The following ATP2B2 variants were observed in gnomAD, a reference collection of about 807,000 sequenced individuals.
ATP2B2 encodes plasma membrane calcium-transporting ATPase 2.
In ATP2B2, 15 loss-of-function variants were observed where a neutral mutation model predicts 120.0. That is an observed-to-expected ratio of 0.12 (90% confidence interval 0.08 to 0.19). The LOEUF (loss-of-function observed/expected upper bound fraction) is 0.19, where lower values mean the gene tolerates loss of function less well. Among genes scored for constraint, ATP2B2 ranks in the 10% least tolerant of loss-of-function variants. The probability of loss-of-function intolerance (pLI) is 1.00; values close to 1 mark genes in which losing one functional copy is unlikely to be tolerated. For missense variants in ATP2B2, 1,045 were observed against 1,719.8 expected (o/e 0.61, Z 6.94); for synonymous variants, 694 against 700.3 (o/e 0.99, Z 0.14).
chr3:10,457,779 C>A (rs1308035930), intron 1 of ATP2B2, among the ~76,000 whole-genome samples: 5 of 150,874 alleles, frequency 3.3e-5, no homozygotes, highest in African/African-American at 1.2e-4. Flanking sequence ...TTAGACAACT[C>A]CTATTCTGTT....
chr3:10,683,819 G>C lies in ATP2B2; in HGVS notation c.-460+24096C>G, dbSNP rs1031730383. 3.2e-5 allele frequency among the ~76,000 whole-genome samples: 4 copies of C among 126,672 alleles called. No homozygotes were observed. The Admixed American group carries it at 3.3e-4, about 11-fold the overall frequency. 83.1% of individuals were successfully genotyped at this position (126,672 alleles called of 152,430 possible). A position where few individuals can be genotyped will look rare whatever the true frequency, so the allele number is the denominator to read the frequency against. ...ATATATATATATGTAAAGAGACAGG[G>C]TCTCGCTCTGTTACCTGGGCTGGAG... On this transcript the variant is annotated intron_variant, in intron 1 of 21. Coordinates refer to the ATP2B2 transcript ENST00000646379.
chr3:10,555,006 C>T (rs908055354), intron 2 of ATP2B2, among the ~76,000 whole-genome samples: 2 of 152,164 alleles, frequency 1.3e-5, no homozygotes, highest in Admixed American at 6.5e-5. Context: ...CCCCTCTGAA[C>T]CTTTCTTGGG....
chr3:10,434,590 G>T (rs1031624725), intron 2 of ATP2B2, among the ~76,000 whole-genome samples: 5 of 152,160 alleles, frequency 3.3e-5, no homozygotes, highest in African/African-American at 1.2e-4. Flanking sequence ...TTTTTCAGAT[G>T]AAGAAACTGA....
intron 1 of ATP2B2, among the ~76,000 whole-genome samples, chr3:10,651,039 C>T (rs529166139): frequency 1.3e-5 from 2 of 152,302 alleles, no homozygotes; most frequent in East Asian, 1.9e-4. Context: ...GCTGTAGTTA[C>T]CCAATGCCTG....
At chr3:10,507,606 T>G (rs1204951367), upstream of ATP2B2, among the ~76,000 whole-genome samples, 1 of 152,226 alleles carries the variant, frequency 6.6e-6, no homozygotes, top group African/African-American at 2.4e-5. Context: ...CCATTATTAC[T>G]TCAACATCTT....
chr3:10,645,906 C>A (rs1392973021), intron 1 of ATP2B2, among the ~76,000 whole-genome samples: 1 of 152,196 alleles, frequency 6.6e-6, no homozygotes, highest in African/African-American at 2.4e-5. Context: ...AGACCTGTGG[C>A]ATTGTGGCAT....
At chr3:10,586,608 T>A (rs1246450456) in intron 2 of ATP2B2, among the ~76,000 whole-genome samples, 2 of 152,182 alleles carry the variant, frequency 1.3e-5, no homozygotes, top group Non-Finnish European at 2.9e-5. Flanking sequence ...AGAGAATCTT[T>A]GCTTTTACCC....
intron 1 of ATP2B2, among the ~76,000 whole-genome samples, chr3:10,622,487 T>C (rs187598346): frequency 3.3e-4 from 50 of 152,060 alleles, no homozygotes; most frequent in African/African-American, 1.1e-3. Flanking sequence ...TTGGTGAAAT[T>C]GGAAAAATCC....
chr3:10,388,796 T>C (rs946145432), intron 5 of ATP2B2, among the ~76,000 whole-genome samples: 4 of 152,202 alleles, frequency 2.6e-5, no homozygotes, highest in African/African-American at 9.7e-5. Context: ...AATCACAGAT[T>C]TTTTCATATC....
intron 14 of ATP2B2, among the ~76,000 whole-genome samples, chr3:10,351,850 A>C (rs888270857): frequency 6.6e-6 from 1 of 152,216 alleles, no homozygotes; most frequent in African/African-American, 2.4e-5. Context: ...CCAGCAAGCC[A>C]CTGGAAGCTG....
intron 2 of ATP2B2, among the ~76,000 whole-genome samples, chr3:10,550,807 G>A (rs1483461513): frequency 6.6e-6 from 1 of 152,196 alleles, no homozygotes; most frequent in Non-Finnish European, 1.5e-5. Flanking sequence ...GCCGGGTGAG[G>A]TCATGGTGAA....
intron 22 of ATP2B2, among the ~76,000 whole-genome samples, chr3:10,333,915 T>G (rs567718367): frequency 6.6e-6 from 1 of 152,330 alleles, no homozygotes; most frequent in African/African-American, 2.4e-5. Context: ...AGGGGACTGA[T>G]CTGGCCTCGA....
intron 1 of ATP2B2, among the ~76,000 whole-genome samples, chr3:10,476,780 G>A (rs2065220003): frequency 1.3e-5 from 2 of 152,344 alleles, no homozygotes; most frequent in South Asian, 2.1e-4. Flanking sequence ...TCCTTCATTA[G>A]CCCTGAGGAA....
rs1362597162 is a variant in ATP2B2 at position 10,324,657 on chromosome 3, G to T, written c.*4157C>A. The T allele has an allele frequency of 6.6e-6, 1 of 152,264 alleles. No individual in the cohort carries two copies. The highest frequency in any genetic ancestry group is 1.9e-4 in the East Asian group (1 of 5,194). The allele number at this position is 152,264 out of a possible 1,614,324, so 9.4% of individuals were successfully genotyped here. A position where few individuals can be genotyped will look rare whatever the true frequency, so the allele number is the denominator to read the frequency against. On this transcript the variant is annotated 3_prime_UTR_variant, in exon 23 of 23. Transcript: ENST00000360273. ...CTTGTCAGAATGCACCAGGTTGGCA[G>T]CCTCCTGCAGGTAGCGCAAGAGTGG...
chr3:10,590,796 C>T (rs549931594), intron 2 of ATP2B2, among the ~76,000 whole-genome samples: 1 of 152,288 alleles, frequency 6.6e-6, no homozygotes, highest in South Asian at 2.1e-4. Context: ...GCATGTGCAC[C>T]CGTGCATGTG....
At chr3:10,479,768 G>A (rs1005279113) in intron 1 of ATP2B2, among the ~76,000 whole-genome samples, 1 of 152,168 alleles carries the variant, frequency 6.6e-6, no homozygotes, top group Non-Finnish European at 1.5e-5. Context: ...AAGGAAGAGA[G>A]AGAGGGAGGA....
intron 2 of ATP2B2, among the ~76,000 whole-genome samples, chr3:10,615,084 G>A (rs773573527): frequency 6.6e-6 from 1 of 152,286 alleles, no homozygotes; most frequent in African/African-American, 2.4e-5. Flanking sequence ...AGAACAGGGG[G>A]CTGGTGGGAT....
chr3:10,572,469 C>T (rs1291462088), intron 2 of ATP2B2, among the ~76,000 whole-genome samples: 1 of 152,172 alleles, frequency 6.6e-6, no homozygotes, highest in Non-Finnish European at 1.5e-5. Context: ...TTTAATGCTG[C>T]TGAACCACAC....
Position 10,600,951 on chromosome 3 carries a change from G to A in ATP2B2, c.-415+18966C>T, listed in dbSNP as rs369264150. 2.6e-3 allele frequency among the ~76,000 whole-genome samples: 400 copies of A among 152,248 alleles called. 2 individuals are homozygous for A. The highest frequency in any genetic ancestry group is 9.3e-3 in the African/African-American group (387 of 41,540). On this transcript the variant is annotated intron_variant, in intron 2 of 21. Coordinates refer to the ATP2B2 transcript ENST00000646379. ...AAGAAGTCCCTGGGAAAGAGGTCGGGTGTATGGTTGTGACTCACCACCCAG... is the reference window on the plus strand; with the variant it reads ...AAGAAGTCCCTGGGAAAGAGGTCGGATGTATGGTTGTGACTCACCACCCAG...
Sources: gnomAD v4.1 joint callset for allele counts (sites outside exome capture counted in the v4.1 genomes callset) on GRCh38, gnomAD v4.1.1 for gene constraint, MANE v1.5 for transcripts, NCBI Gene and HGNC (gene_info 2026-07-23, HGNC 2026-07-21) for gene names.